BOD1: variants seen among roughly 807,000 people sequenced by gnomAD.
BOD1 encodes the protein biorientation of chromosomes in cell division protein 1.
Under a neutral mutation model 15.7 loss-of-function variants are expected in BOD1, and 11 were observed. That is an observed-to-expected ratio of 0.70 (90% CI 0.44 to 1.16). The LOEUF (loss-of-function observed/expected upper bound fraction) is 1.16. Ranked by LOEUF, BOD1 falls within the 50% of genes most tolerant of loss-of-function variation. BOD1 has a pLI of 0.00. For missense variants in BOD1, 182 were observed against 244.5 expected (o/e 0.74, Z 1.70); for synonymous variants, 105 against 103.5 (o/e 1.01, Z -0.09).
intron 1 of BOD1, 82 bp downstream of exon 1, chr5:173,616,118 T>C: frequency 1.3e-6 from 2 of 1,510,330 alleles, no homozygotes; most frequent in Non-Finnish European, 1.8e-6. Flanking sequence ...TTTGTTTTGC[T>C]CTCGGCTTTC....
At chr5:173,611,532 GAAA>G (rs35299200) in intron 2 of BOD1, among the ~76,000 whole-genome samples, 47 of 144,532 alleles carry the variant, frequency 3.3e-4, no homozygotes, top group South Asian at 1.5e-3. Flanking sequence ...AAAAAGCAGG[GAAA>G]AAAAAAAAAA....
At position 173,608,089 on chromosome 5, in the gene BOD1, T is replaced by C. The variant is rs1207430691; in HGVS notation, c.*205A>G. ...CATGCCCTTGGACAGGCTGGCCAAA[T>C]GGCAGCACAATGCAGGGGGTGACAC... On this transcript the variant is annotated 3_prime_UTR_variant, in exon 4 of 4. Transcript: ENST00000311086. 3 of 623,750 alleles carry C rather than the reference T, an allele frequency of 4.8e-6. No homozygotes were observed. The highest frequency in any genetic ancestry group is 1.8e-5 in the African/African-American group (1 of 54,596). The allele number at this position is 623,750 out of a possible 1,614,324, so 38.6% of individuals were successfully genotyped here.
chr5:173,608,578 G>A (rs1755266679), intron 3 of BOD1, among the ~76,000 whole-genome samples: 1 of 152,176 alleles, frequency 6.6e-6, no homozygotes, highest in Admixed American at 6.5e-5. Context: ...TCAGAATGAA[G>A]GGATAAAACA....
rs1026929812 is a variant in BOD1, at chr5:173,607,517, G to A, written c.*777C>T. 1.3e-5 allele frequency: 2 copies of A among 152,180 alleles called. No individual in the cohort carries two copies. Among genetic ancestry groups the A allele is most frequent in the Admixed American group, 6.5e-5 (1 of 15,270 alleles). The allele number at this position is 152,180 out of a possible 1,614,324, so 9.4% of individuals were successfully genotyped here. ...AGGTTTAAGCTTCAGCTGAAGCTTC[G>A]GAGTAAAAGTATCAAATAATTTTAT... On this transcript the variant is annotated 3_prime_UTR_variant, in exon 4 of 4. Transcript: ENST00000311086.
intron 2 of BOD1, among the ~76,000 whole-genome samples, chr5:173,611,156 T>G (rs258865): frequency 0.48 from 73,409 of 152,084 alleles, 19,224 homozygotes; most frequent in East Asian, 0.8. Context: ...TTCTTAAACT[T>G]TTGAGGAAAA....
In BOD1 at chr5:173,610,654, G is replaced by A. The variant is rs762004721; in HGVS notation, c.363-1220C>T. The stretch of plus-strand genomic sequence containing the variant: ...GAAAGCCACCTCTCCTCAGTCACAA[G>A]CCAATACCTTTCCAACTTTACCAAA... On this transcript the variant is annotated intron_variant, in intron 2 of 3. Coordinates refer to ENST00000311086, the MANE Select transcript of BOD1 (RefSeq NM_138369.3). 9.9e-5 allele frequency among the ~76,000 whole-genome samples: 15 copies of A among 152,182 alleles called. 1 individual carries two copies. The highest frequency in any genetic ancestry group is 2.0e-4 in the Admixed American group (3 of 15,276).
chr5:173,609,496 A>G (rs1401532214), intron 2 of BOD1, 62 bp from the exon 3 acceptor site: 9 of 1,457,848 alleles, frequency 6.2e-6, no homozygotes, highest in East Asian at 4.5e-5. Flanking sequence ...TTTAGCCCCA[A>G]TAAGTGTCAC....
In BOD1 at chr5:173,616,590, G is replaced by GGGCGGC. The variant is rs1302755731; in HGVS notation, c.-160_-155dup. 4 of 1,356,776 alleles carry GGGCGGC rather than the reference G, an allele frequency of 2.9e-6. No homozygotes were observed. Among genetic ancestry groups the GGGCGGC allele is most frequent in the African/African-American group, 1.5e-5 (1 of 64,518 alleles). 84.0% of individuals were successfully genotyped at this position (1,356,776 alleles called of 1,614,324 possible). The stretch of plus-strand genomic sequence containing the variant: ...GCGATGGCGGCAGGGGCGGTGGTGG[G>GGGCGGC]GGCGGCGGCGGCGAAGGCCCCCTCT... On this transcript the variant is annotated 5_prime_UTR_variant, in exon 1 of 4. Transcript: ENST00000311086.
intron 1 of BOD1, among the ~76,000 whole-genome samples, chr5:173,614,363 A>G (rs1755436880): frequency 6.6e-6 from 1 of 152,218 alleles, no homozygotes; most frequent in Non-Finnish European, 1.5e-5. Context: ...CACCACCAAA[A>G]CACGTAACAA....
chr5:173,613,727 C>T (rs1755416744), intron 1 of BOD1, among the ~76,000 whole-genome samples: 1 of 152,202 alleles, frequency 6.6e-6, no homozygotes, highest in Admixed American at 6.5e-5. Flanking sequence ...ACAAAGGAAC[C>T]AGCAGGCCTC....
rs553960427 is a variant in BOD1, at chr5:173,613,813, G to T, written c.238-558C>A. ...TCCACTAAACCTGGAAAAGAGAAAG[G>T]CAAGGAAATGGGGGCAGAGGAGTAA... On this transcript the variant is annotated intron_variant, in intron 1 of 3. Coordinates refer to ENST00000311086, the MANE Select transcript of BOD1 (RefSeq NM_138369.3). Among the ~76,000 whole-genome samples, 7 of 152,340 alleles carry T rather than the reference G, an allele frequency of 4.6e-5. No homozygotes were observed. The South Asian group carries it at 1.4e-3, about 32-fold the overall frequency.
At position 173,608,300 on chromosome 5, in the gene BOD1, G is replaced by C. The variant is rs751585056; in HGVS notation, c.*2-8C>G. Reference sequence around the variant, plus strand: ...AAAGGTGTCTGGCGTATTCTAAAAAGGAAAGATAATCATATCAAAATGTTA... The same window carrying C: ...AAAGGTGTCTGGCGTATTCTAAAAACGAAAGATAATCATATCAAAATGTTA... On this transcript the variant is annotated splice_polypyrimidine_tract_variant and splice_region_variant and intron_variant, in intron 3 of 3. Transcript: ENST00000311086. 2 of 1,239,820 alleles carry C rather than the reference G, an allele frequency of 1.6e-6. No homozygotes were observed. The highest frequency in any genetic ancestry group is 2.5e-5 in the African/African-American group (1 of 39,792). The allele number at this position is 1,239,820 out of a possible 1,614,324, so 76.8% of individuals were successfully genotyped here. A position where few individuals can be genotyped will look rare whatever the true frequency, so the allele number is the denominator to read the frequency against.
intron 2 of BOD1, among the ~76,000 whole-genome samples, chr5:173,612,728 G>T (rs1755387629): frequency 6.6e-6 from 1 of 152,162 alleles, no homozygotes; most frequent in African/African-American, 2.4e-5. Context: ...AGTCCTGGTG[G>T]ACTCAAAGAA....
intron 1 of BOD1, 36 bp from the exon 2 acceptor site, chr5:173,613,291 T>C (rs199878910): frequency 6.2e-7 from 1 of 1,611,260 alleles, no homozygotes; most frequent in East Asian, 2.2e-5. Context: ...GGTCAGAAGT[T>C]ATATGCACCA....
At position 173,616,424 on chromosome 5, in the gene BOD1, C is replaced by T. The variant is rs745689308; in HGVS notation, c.13G>A (p.Gly5Ser). 6.5e-7 allele frequency: 1 copy of T among 1,547,306 alleles called. No individual in the cohort carries two copies. Among genetic ancestry groups the T allele is most frequent in the South Asian group, 1.2e-5 (1 of 85,540 alleles). ...ACCGCGCCAGTTCCCCCGCCGCCGC[C>T]GCCGTCCGCCATGGCTGCGCCCCGG... MADGGGGGGTGAVGG... is the reference protein window; with the variant it reads MADGSGGGGTGAVGG... Residue 5 changes from glycine to serine, a missense_variant, in exon 1 of 4, where the codon GGC becomes AGC. Coordinates refer to ENST00000311086, the MANE Select transcript of BOD1 (RefSeq NM_138369.3).
rs540284507 is a variant in BOD1 at position 173,613,262 on chromosome 5, T to C, written c.238-7A>G. 6 of 1,606,058 alleles carry C rather than the reference T, an allele frequency of 3.7e-6. No individual in the cohort carries two copies. Among genetic ancestry groups the C allele is most frequent in the South Asian group, 3.3e-5 (3 of 90,948 alleles). On this transcript the variant is annotated splice_region_variant and splice_polypyrimidine_tract_variant and intron_variant, in intron 1 of 3. Coordinates refer to ENST00000311086, the MANE Select transcript of BOD1 (RefSeq NM_138369.3). ...TCAGGTTTTGGTAAGCTGGCTAAAA[T>C]GTTAAAAAGAGGAGGCAAGGTCAGA...
chr5:173,615,165 G>T lies in BOD1; in HGVS notation c.237+1035C>A, dbSNP rs1382842219. Among the ~76,000 whole-genome samples, 3 of 152,168 alleles carry T rather than the reference G, an allele frequency of 2.0e-5. No individual in the cohort carries two copies. The East Asian group carries it at 5.8e-4, about 29-fold the overall frequency. ...ACTTCTAGTTGGGCTTTTCATCTTG[G>T]AGAAGGAACAGTGTATACCACTTTC... On this transcript the variant is annotated intron_variant, in intron 1 of 3. Transcript: ENST00000311086.
intron 1 of BOD1, among the ~76,000 whole-genome samples, chr5:173,615,351 C>T (rs530797718): frequency 6.6e-6 from 1 of 152,184 alleles, no homozygotes; most frequent in Non-Finnish European, 1.5e-5. Context: ...ACGTTTTTCC[C>T]TATCTTAAGG....
Position 173,607,581 on chromosome 5 carries a change from A to G in BOD1, c.*713T>C, listed in dbSNP as rs1181216639. 4.6e-5 allele frequency: 7 copies of G among 152,310 alleles called. No homozygotes were observed. Among genetic ancestry groups the G allele is most frequent in the African/African-American group, 1.7e-4 (7 of 41,452 alleles). The allele number at this position is 152,310 out of a possible 1,614,324, so 9.4% of individuals were successfully genotyped here. On this transcript the variant is annotated 3_prime_UTR_variant, in exon 4 of 4. Coordinates refer to ENST00000311086, the MANE Select transcript of BOD1 (RefSeq NM_138369.3). ...CCATTTATTGACCATTCACTTTTCT[A>G]AAAAAACACAAATGTGAGAATAAAA...
Sources: allele counts gnomAD v4.1 joint callset (sites outside exome capture counted in the v4.1 genomes callset), GRCh38; gene constraint gnomAD v4.1.1; transcripts MANE v1.5; gene names NCBI Gene and HGNC (gene_info 2026-07-23, HGNC 2026-07-21).